Variants in RANBP2 observed in about 807,000 individuals in gnomAD.
RANBP2 encodes E3 SUMO-protein ligase RanBP2.
RANBP2 carries 57 observed loss-of-function variants against 303.6 expected under a neutral mutation model. The observed-to-expected ratio is 0.19, with a 90% confidence interval of 0.15 to 0.23. The LOEUF is 0.23. Ranked by LOEUF, RANBP2 falls within the 10% of genes least tolerant of loss-of-function variation. The probability of loss-of-function intolerance (pLI) is 1.00; values close to 1 mark genes in which losing one functional copy is unlikely to be tolerated. For synonymous variants in RANBP2, 1,167 were observed against 1,301.5 expected (o/e 0.90, Z 2.23); for missense variants, 3,138 against 3,780.8 (o/e 0.83, Z 4.46).
At chr2:109,518,587 A>C in the RANBP2 span, among the ~76,000 whole-genome samples, 2 of 152,190 alleles carry the variant, frequency 1.3e-5, no homozygotes, top group African/African-American at 4.8e-5. Flanking sequence ...TCCCACCATT[A>C]GCAGCACTAA....
At chr2:109,377,609 T>G in the RANBP2 span, among the ~76,000 whole-genome samples, 5,184 of 152,240 alleles carry the variant, frequency 0.034, 275 homozygotes, top group African/African-American at 0.11. Context: ...GAAAAAATAA[T>G]GGCAGCCAAC....
At chr2:108,979,663 A>G in the RANBP2 span, among the ~76,000 whole-genome samples, 2 of 152,126 alleles carry the variant, frequency 1.3e-5, no homozygotes, top group Admixed American at 6.5e-5. Context: ...CCAGGGTCAG[A>G]TTAATCATGA....
the RANBP2 span, among the ~76,000 whole-genome samples, chr2:109,486,796 TC>T: frequency 6.6e-6 from 1 of 152,042 alleles, no homozygotes; most frequent in South Asian, 2.1e-4. Flanking sequence ...AAGAGAGACA[TC>T]CCAGCAGGGC....
the RANBP2 span, among the ~76,000 whole-genome samples, chr2:109,143,685 T>C: frequency 4.0e-5 from 6 of 151,702 alleles, no homozygotes; most frequent in Non-Finnish European, 2.9e-5. Flanking sequence ...GCCCAGGAGG[T>C]TGAGGCTGCA....
chr2:109,039,087 A>G, the RANBP2 span, among the ~76,000 whole-genome samples: 1 of 152,170 alleles, frequency 6.6e-6, no homozygotes. Context: ...TCCATTAGGC[A>G]AGCAGAATCC....
chr2:108,799,018 G>T, the RANBP2 span, among the ~76,000 whole-genome samples: 2 of 152,020 alleles, frequency 1.3e-5, no homozygotes, highest in Non-Finnish European at 1.5e-5. Flanking sequence ...TACTTTCTCA[G>T]TTGGTCTTCA....
chr2:108,766,625 A>G lies in RANBP2; in HGVS notation c.6086A>G (p.Glu2029Gly). 1 of 1,611,928 alleles carries G rather than the reference A, an allele frequency of 6.2e-7. No homozygotes were observed. The highest frequency in any genetic ancestry group is 8.5e-7 in the Non-Finnish European group (1 of 1,179,834). Residue 2029 changes from glutamate (E) to glycine (G), a missense_variant, in exon 20 of 29, where the codon GAA becomes GGA. Physicochemically the swap from Glu to Gly is moderately conservative, Grantham distance 98. This residue lies in a region of RANBP2 where 348 missense variants were observed against 360.4 expected (regional missense o/e 0.97). Coordinates refer to ENST00000283195, the MANE Select transcript of RANBP2 (RefSeq NM_006267.5). The stretch of plus-strand genomic sequence containing the variant: ...GAAAAAGTAGAACTTGTAACAGGAG[A>G]AGAAGATGAAAAAGTTCTGTATTCA... ...MPEKVELVTGEEDEKVLYSQR... is the reference protein window; with the variant it reads ...MPEKVELVTGGEDEKVLYSQR...
Position 108,782,164 on chromosome 2 carries a change from T to C in RANBP2, c.8797T>C (p.Leu2933=). The change falls in exon 27 of 29, where the codon TTG becomes CTG. Residue 2933 remains leucine (L), a synonymous_variant. Coordinates refer to ENST00000283195, the MANE Select transcript of RANBP2 (RefSeq NM_006267.5). ...ATCTGGAGAAGAAGATGAAGAAATT[T>C]TGTTTAAAGAGAGAGCCAAACTTTA... ...VKSGEEDEEI[L]FKERAKLYRW... 6.2e-7 allele frequency: 1 copy of C among 1,614,126 alleles called. No homozygotes were observed. The highest frequency in any genetic ancestry group is 8.5e-7 in the Non-Finnish European group (1 of 1,180,004).
At chr2:108,896,852 G>C in the RANBP2 span, 1 of 1,552,180 alleles carries the variant, frequency 6.4e-7, no homozygotes, top group Non-Finnish European at 8.8e-7. Flanking sequence ...CACAGCTCCA[G>C]AGCCCTCGTT....
the RANBP2 span, chr2:108,912,656 G>A: frequency 1.9e-3 from 2,933 of 1,563,162 alleles, 8 homozygotes; most frequent in Admixed American, 4.3e-3. Flanking sequence ...CCAGGTGATC[G>A]ATACCTGAGC....
At chr2:109,503,793 C>G in the RANBP2 span, 3 of 152,206 alleles carry the variant, frequency 2.0e-5, no homozygotes, top group African/African-American at 7.2e-5. Flanking sequence ...AACGTTCTTA[C>G]TCTCCCAGGC....
the RANBP2 span, among the ~76,000 whole-genome samples, chr2:109,690,209 C>T: frequency 6.6e-6 from 1 of 152,118 alleles, no homozygotes; most frequent in Non-Finnish European, 1.5e-5. Flanking sequence ...GGTCAGAGCA[C>T]AGCTTGGTTT....
chr2:109,089,730 T>C, the RANBP2 span, among the ~76,000 whole-genome samples: 7 of 152,294 alleles, frequency 4.6e-5, no homozygotes, highest in East Asian at 1.2e-3. Flanking sequence ...TTTGGTTGAG[T>C]TTCAGTTCTT....
the RANBP2 span, among the ~76,000 whole-genome samples, chr2:109,015,674 C>CTTAA: frequency 6.6e-6 from 1 of 151,974 alleles, no homozygotes; most frequent in Non-Finnish European, 1.5e-5. Context: ...AGGAGAATCG[C>CTTAA]TTAAACTCAG....
chr2:109,735,015 T>A, the RANBP2 span, among the ~76,000 whole-genome samples: 1 of 152,170 alleles, frequency 6.6e-6, no homozygotes, highest in Non-Finnish European at 1.5e-5. Flanking sequence ...GTAGGAACAT[T>A]AAAAATCTTC....
At chr2:109,697,815 G>A in the RANBP2 span, among the ~76,000 whole-genome samples, 11 of 148,212 alleles carry the variant, frequency 7.4e-5, no homozygotes, top group South Asian at 8.5e-4. Context: ...ATTATCTTAG[G>A]AGGAAAGCAT....
the RANBP2 span, among the ~76,000 whole-genome samples, chr2:108,843,555 C>G: frequency 6.6e-6 from 1 of 152,166 alleles, no homozygotes; most frequent in Non-Finnish European, 1.5e-5. Context: ...GTATCAGATT[C>G]TAGTGTGACA....
At chr2:109,061,279 G>T in the RANBP2 span, among the ~76,000 whole-genome samples, 6 of 152,126 alleles carry the variant, frequency 3.9e-5, no homozygotes, top group African/African-American at 1.4e-4. Flanking sequence ...TAGGCTGAAT[G>T]CCCTCTTGAA....
At chr2:109,161,759 G>T in the RANBP2 span, among the ~76,000 whole-genome samples, 1 of 151,884 alleles carries the variant, frequency 6.6e-6, no homozygotes, top group Admixed American at 6.6e-5. Context: ...AGGGGAACTA[G>T]TAGAGCAAGA....
Sources: gnomAD v4.1 joint callset for allele counts (sites outside exome capture counted in the v4.1 genomes callset) on GRCh38, gnomAD v4.1.1 for gene constraint, gnomAD v4.1.1 regional missense constraint, MANE v1.5 for transcripts, NCBI Gene and HGNC (gene_info 2026-07-23, HGNC 2026-07-21) for gene names.